The following PCDHGA2 variants were observed in gnomAD, a reference collection of about 807,000 sequenced individuals.
The protein encoded by PCDHGA2 is protocadherin gamma subfamily A, 2, also known as protocadherin gamma-A2.
Under a neutral mutation model 59.2 loss-of-function variants are expected in PCDHGA2, and 40 were observed. That is an observed-to-expected ratio of 0.68 (90% confidence interval 0.52 to 0.88). PCDHGA2 has a LOEUF of 0.88. PCDHGA2 is among the 40% of genes least tolerant of loss of function. The probability of loss-of-function intolerance (pLI) is 0.00; values close to 1 mark genes in which losing one functional copy is unlikely to be tolerated. For synonymous variants in PCDHGA2, 560 were observed against 526.0 expected, an observed-to-expected ratio of 1.06 and a Z score of -0.89; for missense variants, 1,226 against 1,204.0, an observed-to-expected ratio of 1.02 and a Z score of -0.27.
chr5:141,425,843 G>A (rs2096898027), intron 1 of PCDHGA2, among the ~76,000 whole-genome samples: 1 of 152,118 alleles, frequency 6.6e-6, no homozygotes, highest in African/African-American at 2.4e-5. Flanking sequence ...TCTCTTTGCT[G>A]GGTTAATGAC....
intron 3 of PCDHGA2, among the ~76,000 whole-genome samples, chr5:141,507,817 G>C (rs1038461861): frequency 3.3e-5 from 5 of 152,206 alleles, no homozygotes; most frequent in Non-Finnish European, 5.9e-5. Context: ...AACGGACCCT[G>C]GGGGTGGAGG....
chr5:141,492,146 C>T (rs979485619), intron 1 of PCDHGA2, among the ~76,000 whole-genome samples: 3 of 152,242 alleles, frequency 2.0e-5, no homozygotes, highest in African/African-American at 4.8e-5. Flanking sequence ...TGTGACTTCA[C>T]TGTTACCCTC....
chr5:141,449,630 T>G (rs1006977026), intron 1 of PCDHGA2, among the ~76,000 whole-genome samples: 2 of 150,024 alleles, frequency 1.3e-5, no homozygotes, highest in Non-Finnish European at 3.0e-5. Flanking sequence ...TTTAAAAAGA[T>G]GTATCTATAT....
At chr5:141,445,612 CT>C (rs996122021) in intron 1 of PCDHGA2, among the ~76,000 whole-genome samples, 1 of 151,994 alleles carries the variant, frequency 6.6e-6, no homozygotes, top group Non-Finnish European at 1.5e-5. Flanking sequence ...GGAAGGCTTT[CT>C]TTTTTTCGGA....
Position 141,385,070 on chromosome 5 carries a change from T to C in PCDHGA2, c.2424+43675T>C, listed in dbSNP as rs766950021. 28 of 1,614,094 alleles carry C rather than the reference T, an allele frequency of 1.7e-5. No individual in the cohort carries two copies. In the South Asian group the frequency reaches 3.0e-4, roughly 17 times the overall value. ...CTGCGGCGCTGGCACAAGTCACGCC[T>C]GCTGCAGGCTTCAGAAGGTGGCTTG... On this transcript the variant is annotated intron_variant, in intron 1 of 3. Coordinates refer to ENST00000394576, the MANE Select transcript of PCDHGA2 (RefSeq NM_018915.4).
At position 141,491,039 on chromosome 5, in the gene PCDHGA2, G is replaced by T; in HGVS notation, c.2425-3768G>T. 1 of 1,614,180 alleles carries T rather than the reference G, an allele frequency of 6.2e-7. No individual in the cohort carries two copies. The highest frequency in any genetic ancestry group is 1.1e-5 in the South Asian group (1 of 91,090). ...GTGACAGCCGTGGATGCTGATGCAGGCCACAATGCGTGGCTCTCCTACTCA... is the reference window on the plus strand; with the variant it reads ...GTGACAGCCGTGGATGCTGATGCAGTCCACAATGCGTGGCTCTCCTACTCA... On this transcript the variant is annotated intron_variant, in intron 1 of 3. Transcript: ENST00000394576. The surrounding 1 kb of genome is among the most constrained non-coding windows in gnomAD (Gnocchi z 6.9).
intron 1 of PCDHGA2, chr5:141,374,379 G>A (rs1163047741): frequency 6.2e-7 from 1 of 1,614,042 alleles, no homozygotes; most frequent in Non-Finnish European, 8.5e-7. Flanking sequence ...TGTGCTCAGA[G>A]CCCGCGGTGT....
chr5:141,361,503 C>T (rs368091522), intron 1 of PCDHGA2: 95 of 1,613,900 alleles, frequency 5.9e-5, no homozygotes, highest in Non-Finnish European at 7.5e-5. Context: ...AACAGACTTC[C>T]TACATGGTTC....
At chr5:141,418,196 C>G in intron 1 of PCDHGA2, 1 of 1,614,032 alleles carries the variant, frequency 6.2e-7, no homozygotes, top group Non-Finnish European at 8.5e-7. Context: ...GGTGGAAAAT[C>G]CTTTAAATAT....
chr5:141,457,336 C>T (rs1032184011), intron 1 of PCDHGA2, among the ~76,000 whole-genome samples: 6 of 152,158 alleles, frequency 3.9e-5, no homozygotes, highest in Admixed American at 3.3e-4. Context: ...AGGTACCTTA[C>T]TTACTTTCAT....
intron 1 of PCDHGA2, among the ~76,000 whole-genome samples, chr5:141,406,535 G>A (rs2094820779): frequency 6.6e-6 from 1 of 152,168 alleles, no homozygotes; most frequent in South Asian, 2.1e-4. Context: ...TTCTGACGAA[G>A]ATTCAAACTT....
At chr5:141,374,437 C>T in intron 1 of PCDHGA2, 2 of 1,613,846 alleles carry the variant, frequency 1.2e-6, no homozygotes, top group Non-Finnish European at 1.7e-6. Context: ...ATCTTTATCC[C>T]GTGGAAGTGG....
chr5:141,385,593 C>T lies in PCDHGA2; in HGVS notation c.2424+44198C>T. On this transcript the variant is annotated intron_variant, in intron 1 of 3. Transcript: ENST00000394576. ...ACTTTCCAATCTATGTTCCAACCTA[C>T]TTTCTTAACTCATATATTTTATACA... is the stretch of plus-strand genomic sequence containing the variant. The T allele has an allele frequency of 2.4e-6, 3 of 1,235,054 alleles. No individual in the cohort carries two copies. The South Asian group carries it at 7.5e-5, about 31-fold the overall frequency. The allele number at this position is 1,235,054 out of a possible 1,614,324, so 76.5% of individuals were successfully genotyped here. A position where few individuals can be genotyped will look rare whatever the true frequency, so the allele number is the denominator to read the frequency against.
rs748394772 is a variant in PCDHGA2 at position 141,362,014 on chromosome 5, C to T, written c.2424+20619C>T. 3.1e-6 allele frequency: 5 copies of T among 1,605,936 alleles called. No individual in the cohort carries two copies. The East Asian group carries it at 6.7e-5, about 22-fold the overall frequency. Reference sequence around the variant, plus strand: ...CCTGGGGTTGCGCACGGGTGAGGTGCGCACAGCGCGTGCCTTGGGCGACAG... The same window carrying T: ...CCTGGGGTTGCGCACGGGTGAGGTGTGCACAGCGCGTGCCTTGGGCGACAG... On this transcript the variant is annotated intron_variant, in intron 1 of 3. Coordinates refer to ENST00000394576, the MANE Select transcript of PCDHGA2 (RefSeq NM_018915.4).
intron 2 of PCDHGA2, among the ~76,000 whole-genome samples, chr5:141,495,943 C>T (rs998665622): frequency 3.9e-5 from 6 of 152,010 alleles, no homozygotes; most frequent in African/African-American, 1.4e-4. Flanking sequence ...GTCTCTGTGC[C>T]TGTTGTCTTT....
intron 1 of PCDHGA2, chr5:141,352,818 G>T: frequency 1.2e-6 from 1 of 812,672 alleles, no homozygotes; most frequent in South Asian, 1.8e-5. Flanking sequence ...GGTAAAACCC[G>T]GTCTACTAAA....
chr5:141,442,675 G>A (rs1381554808), intron 1 of PCDHGA2, among the ~76,000 whole-genome samples: 1 of 152,248 alleles, frequency 6.6e-6, no homozygotes, highest in Admixed American at 6.5e-5. Context: ...GTGAGCTTGA[G>A]GGACAGTAGT....
At chr5:141,446,766 C>T (rs1335326278) in intron 1 of PCDHGA2, among the ~76,000 whole-genome samples, 7 of 152,208 alleles carry the variant, frequency 4.6e-5, no homozygotes, top group East Asian at 3.9e-4. Context: ...CGCGCCCAGC[C>T]GGTTACCATT....
At chr5:141,351,715 C>T (rs780866428) in intron 1 of PCDHGA2, 2 of 1,613,664 alleles carry the variant, frequency 1.2e-6, no homozygotes, top group Non-Finnish European at 1.7e-6. Context: ...GAGTCTCCTA[C>T]TCTATTCTGG....
Sources: allele counts gnomAD v4.1 joint callset (sites outside exome capture counted in the v4.1 genomes callset), GRCh38; gene constraint gnomAD v4.1.1; non-coding constraint Gnocchi (gnomAD v3.1); transcripts MANE v1.5; gene names NCBI Gene and HGNC (gene_info 2026-07-23, HGNC 2026-07-21).